Variants in BCKDHB observed in about 807,000 individuals in gnomAD.
The protein encoded by BCKDHB is 2-oxoisovalerate dehydrogenase subunit beta, mitochondrial.
In BCKDHB, 41 loss-of-function variants were observed where a neutral mutation model predicts 48.5. The ratio of observed to expected loss-of-function variants is 0.85; its 90% CI spans 0.66 to 1.10. BCKDHB has a LOEUF of 1.10. Ranked by LOEUF, BCKDHB falls within the 50% of genes least tolerant of loss-of-function variation. The pLI is 0.00. For synonymous variants in BCKDHB, 201 were observed against 174.8 expected (o/e 1.15, Z -1.18); for missense variants, 496 against 494.2 (o/e 1.00, Z -0.03).
At chr6:80,120,211 A>G (rs1769931573) in intron 1 of BCKDHB, among the ~76,000 whole-genome samples, 1 of 152,142 alleles carries the variant, frequency 6.6e-6, no homozygotes, top group South Asian at 2.1e-4. Context: ...GTATGGCTGC[A>G]TAGTATTCCA....
chr6:80,119,450 C>G (rs983218480), intron 1 of BCKDHB, among the ~76,000 whole-genome samples: 1 of 152,058 alleles, frequency 6.6e-6, no homozygotes, highest in Non-Finnish European at 1.5e-5. Context: ...TCCTGAGTAG[C>G]TGGGATTACA....
intron 3 of BCKDHB, among the ~76,000 whole-genome samples, chr6:80,159,887 G>A (rs1016720869): frequency 1.3e-5 from 2 of 152,174 alleles, no homozygotes; most frequent in African/African-American, 2.4e-5. Context: ...AGGATATTCC[G>A]ACCTATTCAA....
Position 80,225,161 on chromosome 6 carries a change from C to A in BCKDHB, c.951+21949C>A, listed in dbSNP as rs114836547. On this transcript the variant is annotated intron_variant, in intron 8 of 9. Coordinates refer to ENST00000320393, the MANE Select transcript of BCKDHB (RefSeq NM_183050.4). Reference sequence around the variant, plus strand: ...TTAAATCTCCTGGTTTGCAGATGCACCACTATTCTGACTACCATTTTTTGG... The same window carrying A: ...TTAAATCTCCTGGTTTGCAGATGCAACACTATTCTGACTACCATTTTTTGG... 4.8e-3 allele frequency among the ~76,000 whole-genome samples: 737 copies of A among 152,252 alleles called. 7 individuals carry two copies. The highest frequency in any genetic ancestry group is 0.017 in the African/African-American group (710 of 41,556).
intron 1 of BCKDHB, among the ~76,000 whole-genome samples, chr6:80,107,695 A>G (rs1417878144): frequency 6.6e-6 from 1 of 151,624 alleles, no homozygotes; most frequent in Non-Finnish European, 1.5e-5. Context: ...TTTCTACTTG[A>G]GCTTAGTACT....
At chr6:80,113,963 GA>G (rs1424480529) in intron 1 of BCKDHB, among the ~76,000 whole-genome samples, 5 of 152,180 alleles carry the variant, frequency 3.3e-5, no homozygotes, top group Non-Finnish European at 7.3e-5. Context: ...CTATGCAAAT[GA>G]AGACTTGGCC....
At chr6:80,447,573 A>T in the BCKDHB span, among the ~76,000 whole-genome samples, 6 of 152,134 alleles carry the variant, frequency 3.9e-5, no homozygotes, top group South Asian at 1.2e-3. Context: ...GAGCATATTC[A>T]TCATGTCCCT....
chr6:80,315,640 A>T (rs1292779039), intron 9 of BCKDHB, among the ~76,000 whole-genome samples: 2 of 150,666 alleles, frequency 1.3e-5, no homozygotes, highest in African/African-American at 4.9e-5. Flanking sequence ...ATTTTTAGAG[A>T]CAGGATCTTG....
intron 3 of BCKDHB, among the ~76,000 whole-genome samples, chr6:80,134,932 A>G (rs899467960): frequency 9.2e-5 from 14 of 152,002 alleles, no homozygotes; most frequent in Non-Finnish European, 1.5e-4. Context: ...TTGTATTTTT[A>G]GTAGAGATGG....
At chr6:80,389,092 A>G in the BCKDHB span, among the ~76,000 whole-genome samples, 1 of 152,234 alleles carries the variant, frequency 6.6e-6, no homozygotes, top group Non-Finnish European at 1.5e-5. Flanking sequence ...CTGTGAAGAT[A>G]TTTGTATCCC....
At chr6:80,152,395 T>C (rs779890053) in intron 3 of BCKDHB, among the ~76,000 whole-genome samples, 29 of 152,186 alleles carry the variant, frequency 1.9e-4, no homozygotes, top group Non-Finnish European at 4.0e-4. Context: ...TTTAAGGACA[T>C]AGTAAATATC....
At chr6:80,401,360 C>A in the BCKDHB span, among the ~76,000 whole-genome samples, 2 of 151,756 alleles carry the variant, frequency 1.3e-5, no homozygotes, top group Non-Finnish European at 3.0e-5. Context: ...ATATTAATCA[C>A]CTTCTGTAGA....
chr6:80,351,312 A>G, the BCKDHB span, among the ~76,000 whole-genome samples: 2 of 150,618 alleles, frequency 1.3e-5, no homozygotes, highest in Non-Finnish European at 2.9e-5. Flanking sequence ...TAAGGTGTCT[A>G]TGTGTGTGTG....
the BCKDHB span, among the ~76,000 whole-genome samples, chr6:80,464,703 G>A: frequency 6.6e-6 from 1 of 152,102 alleles, no homozygotes; most frequent in Non-Finnish European, 1.5e-5. Flanking sequence ...TCAGAAGAAA[G>A]GCCACAATAT....
chr6:80,143,672 G>T lies in BCKDHB; in HGVS notation c.343+14443G>T, dbSNP rs1328775456. The stretch of plus-strand genomic sequence containing the variant: ...CATGTGCTAAGAAATCACTTGTGAA[G>T]CTTGTTGGACAAAAAGTTTTCAGTT... On this transcript the variant is annotated intron_variant, in intron 3 of 9. Coordinates refer to ENST00000320393, the MANE Select transcript of BCKDHB (RefSeq NM_183050.4). Among the ~76,000 whole-genome samples the T allele has an allele frequency of 2.0e-5, 3 of 152,134 alleles. No homozygotes were observed. The East Asian group carries it at 5.8e-4, about 29-fold the overall frequency.
intron 9 of BCKDHB, among the ~76,000 whole-genome samples, chr6:80,329,907 C>CGAA (rs1426718491): frequency 2.0e-5 from 3 of 152,100 alleles, no homozygotes; most frequent in Non-Finnish European, 4.4e-5. Flanking sequence ...ACATAAAACT[C>CGAA]TATGAGGATA....
chr6:80,119,448 A>T (rs1252369930), intron 1 of BCKDHB, among the ~76,000 whole-genome samples: 2 of 152,050 alleles, frequency 1.3e-5, no homozygotes, highest in Admixed American at 6.6e-5. Context: ...CCTCCTGAGT[A>T]GCTGGGATTA....
intron 9 of BCKDHB, among the ~76,000 whole-genome samples, chr6:80,276,700 T>G (rs947201940): frequency 2.0e-5 from 3 of 151,924 alleles, no homozygotes; most frequent in African/African-American, 7.2e-5. Flanking sequence ...ATAAGCCTAT[T>G]TATTTTACCA....
chr6:80,311,170 C>T (rs1768137508), intron 9 of BCKDHB, among the ~76,000 whole-genome samples: 1 of 152,152 alleles, frequency 6.6e-6, no homozygotes, highest in Non-Finnish European at 1.5e-5. Context: ...AGTTTCCCTA[C>T]ACAAGCTCTC....
chr6:80,352,611 T>C, the BCKDHB span, among the ~76,000 whole-genome samples: 2 of 152,242 alleles, frequency 1.3e-5, no homozygotes, highest in Non-Finnish European at 2.9e-5. Context: ...GTTTGCAGTA[T>C]ATTATATTTG....
Sources: gnomAD v4.1 joint callset for allele counts (sites outside exome capture counted in the v4.1 genomes callset) on GRCh38, gnomAD v4.1.1 for gene constraint, MANE v1.5 for transcripts, NCBI Gene and HGNC (gene_info 2026-07-23, HGNC 2026-07-21) for gene names.